The following TRPC6 variants were observed in gnomAD, a reference collection of about 807,000 sequenced individuals.
TRPC6 encodes short transient receptor potential channel 6.
In TRPC6, 55 loss-of-function variants were observed where a neutral mutation model predicts 90.7. That is an observed-to-expected ratio of 0.61 (90% confidence interval 0.49 to 0.76). The LOEUF (loss-of-function observed/expected upper bound fraction) is 0.76. TRPC6 is among the 30% of genes least tolerant of loss of function. The pLI is 0.00. For missense variants in TRPC6, 989 were observed against 1,122.7 expected, an observed-to-expected ratio of 0.88 and a Z score of 1.70; for synonymous variants, 393 against 393.0, an observed-to-expected ratio of 1.00 and a Z score of 0.00.
chr11:101,462,505 C>G (rs1039012166), intron 10 of TRPC6, among the ~76,000 whole-genome samples: 2 of 152,148 alleles, frequency 1.3e-5, no homozygotes, highest in Non-Finnish European at 2.9e-5. Flanking sequence ...GTTTGTAGTT[C>G]TCCTTGAAGA....
chr11:101,475,044 T>C (rs1316048777), intron 6 of TRPC6, among the ~76,000 whole-genome samples: 4 of 152,194 alleles, frequency 2.6e-5, no homozygotes, highest in East Asian at 1.9e-4. Flanking sequence ...CTGGAGGATA[T>C]GTCTGCCTAA....
Position 101,484,595 on chromosome 11 carries a change from A to ATGTGTGTGTGTGTG in TRPC6, c.1294-1444_1294-1431dup, listed in dbSNP as rs61160203. On this transcript the variant is annotated intron_variant, in intron 4 of 12. Transcript: ENST00000344327. ...ATTGTATCTCTCTCTCTCTCATGCT[A>ATGTGTGTGTGTGTG]TGTGTGTGTGTGTGTGTGTGTGTGT... 7.7e-4 allele frequency among the ~76,000 whole-genome samples: 109 copies of ATGTGTGTGTGTGTG among 140,896 alleles called. 1 individual carries two copies. The highest frequency in any genetic ancestry group is 2.5e-3 in the African/African-American group (95 of 38,470). The allele number at this position is 140,896 out of a possible 152,430, so 92.4% of individuals were successfully genotyped here.
intron 8 of TRPC6, among the ~76,000 whole-genome samples, chr11:101,471,591 C>T (rs1007111644): frequency 6.6e-6 from 1 of 152,140 alleles, no homozygotes; most frequent in Non-Finnish European, 1.5e-5. Flanking sequence ...TCTTGCAAGA[C>T]TATTAATCTC....
intron 2 of TRPC6, among the ~76,000 whole-genome samples, chr11:101,501,148 T>C (rs1384025691): frequency 1.3e-5 from 2 of 151,376 alleles, no homozygotes; most frequent in African/African-American, 4.9e-5. Context: ...ACAGGGAGGA[T>C]CTCCTGTGGC....
Position 101,583,600 on chromosome 11 carries a change from A to C in TRPC6, c.-97T>G, listed in dbSNP as rs1862255485. The C allele has an allele frequency of 4.5e-6, 6 of 1,340,186 alleles. No homozygotes were observed. In the South Asian group the frequency reaches 4.9e-5, roughly 11 times the overall value. The allele number at this position is 1,340,186 out of a possible 1,614,324, so 83.0% of individuals were successfully genotyped here. ...TGCGGAGGGTTCGCGTCAGCGGCCG[A>C]ACTGGACCTGGGCAGACCGGTGCCC... On this transcript the variant is annotated 5_prime_UTR_variant, in exon 1 of 13. Transcript: ENST00000344327.
intron 2 of TRPC6, 98 bp from the exon 3 acceptor site, chr11:101,491,836 CTTTTTT>C (rs71056611): frequency 5.8e-4 from 256 of 444,536 alleles, no homozygotes; most frequent in South Asian, 1.3e-3. Flanking sequence ...GAGAAACATT[CTTTTTT>C]TTTTTTTTTT....
intron 5 of TRPC6, among the ~76,000 whole-genome samples, chr11:101,477,455 T>C (rs1859442909): frequency 6.6e-6 from 1 of 152,204 alleles, no homozygotes; most frequent in South Asian, 2.1e-4. Flanking sequence ...TTATGATGTG[T>C]GGTTTATGTT....
chr11:101,545,414 G>A (rs1861280035), intron 1 of TRPC6, among the ~76,000 whole-genome samples: 1 of 152,148 alleles, frequency 6.6e-6, no homozygotes. Context: ...TCTGCGTGGG[G>A]AGTGGGGAAC....
chr11:101,567,061 C>T (rs191653396), intron 1 of TRPC6, among the ~76,000 whole-genome samples: 694 of 66,008 alleles, frequency 0.011, 6 homozygotes, highest in African/African-American at 0.039. Flanking sequence ...AAGTCTGGCT[C>T]GGGGCGGGGT....
intron 1 of TRPC6, among the ~76,000 whole-genome samples, chr11:101,577,785 T>C (rs925685178): frequency 1.8e-4 from 27 of 152,136 alleles, no homozygotes; most frequent in African/African-American, 6.0e-4. Context: ...TTGGTAAAGA[T>C]ATAGCCTCGC....
chr11:101,471,198 A>G lies in TRPC6; in HGVS notation c.2394T>C (p.Asp798=), dbSNP rs766687935. The part of the protein sequence containing the change: ...FQGHKKGFQE[D]AEMNKINEEK... Reference sequence around the variant, plus strand: ...GCTAAGTTACCTTGTTCATCTCTGCATCTTCCTGGAAACCTTTTTTATGGC... The same window carrying G: ...GCTAAGTTACCTTGTTCATCTCTGCGTCTTCCTGGAAACCTTTTTTATGGC... The change falls in exon 9 of 13, where the codon GAT becomes GAC. Residue 798 remains aspartate, a synonymous_variant. Coordinates refer to ENST00000344327, the MANE Select transcript of TRPC6 (RefSeq NM_004621.6). The G allele has an allele frequency of 1.9e-6, 3 of 1,613,774 alleles. No individual in the cohort carries two copies. The African/African-American group carries it at 4.0e-5, about 22-fold the overall frequency.
In TRPC6 at chr11:101,476,430, C is replaced by T; in HGVS notation, c.1615G>A (p.Ala539Thr). Residue 539 changes from alanine (A) to threonine (T), a missense_variant, in exon 6 of 13, where the codon GCA becomes ACA. Physicochemically the swap from Ala to Thr is moderately conservative, Grantham distance 58. Transcript: ENST00000344327. The part of the protein sequence containing the change: ...LDFGMLAIFA[A>T]SFIARFMAFW... ...GCCATGAATCTCGCAATGAATGATG[C>T]TGCGAAAATTGCTAACATACCAAAA... 6.2e-7 allele frequency: 1 copy of T among 1,614,084 alleles called. No individual in the cohort carries two copies. The highest frequency in any genetic ancestry group is 8.5e-7 in the Non-Finnish European group (1 of 1,179,972).
chr11:101,577,905 G>C (rs1470798388), intron 1 of TRPC6, among the ~76,000 whole-genome samples: 1 of 152,162 alleles, frequency 6.6e-6, no homozygotes, highest in African/African-American at 2.4e-5. Context: ...TGAAAGATGA[G>C]TCTTTGTGAC....
chr11:101,485,217 G>C lies in TRPC6; in HGVS notation c.1294-2052C>G, dbSNP rs149365865. ...GCCAATCCAAAGTTAGTTTGTAAAA[G>C]TTTGCTGTAAAAATATGCTTAGATA... On this transcript the variant is annotated intron_variant, in intron 4 of 12. Coordinates refer to ENST00000344327, the MANE Select transcript of TRPC6 (RefSeq NM_004621.6). 3.9e-3 allele frequency among the ~76,000 whole-genome samples: 592 copies of C among 151,202 alleles called. 2 individuals are homozygous for C. The highest frequency in any genetic ancestry group is 0.014 in the African/African-American group (568 of 41,254).
chr11:101,577,084 G>A (rs1862086168), intron 1 of TRPC6, among the ~76,000 whole-genome samples: 1 of 152,062 alleles, frequency 6.6e-6, no homozygotes, highest in Non-Finnish European at 1.5e-5. Context: ...CCTAATAGAA[G>A]GGGAGCCAGA....
At position 101,452,984 on chromosome 11, in the gene TRPC6, C is replaced by T. The variant is rs763389629; in HGVS notation, c.2767G>A (p.Glu923Lys). The T allele has an allele frequency of 4.3e-6, 7 of 1,613,766 alleles. No homozygotes were observed. The highest frequency in any genetic ancestry group is 5.9e-6 in the Non-Finnish European group (7 of 1,179,870). ...CTATTGGTTTCCTCTTGATTTGGTTCCATGGATAATTTCTCTCCAAGTTCT... is the reference window on the plus strand; with the variant it reads ...CTATTGGTTTCCTCTTGATTTGGTTTCATGGATAATTTCTCTCCAAGTTCT... ...IRELGEKLSM[E>K]PNQEETNR Residue 923 changes from glutamate (E) to lysine (K), a missense_variant, in exon 13 of 13, where the codon GAA (glutamate) becomes AAA (lysine). By Grantham distance (56) the Glu-to-Lys change is moderately conservative (BLOSUM62 1). Around this residue, in one of 4 missense-constraint regions of TRPC6, gnomAD observed 191 missense variants for 196.7 expected, o/e 0.97. Transcript: ENST00000344327.
chr11:101,548,871 T>G (rs929777343), intron 1 of TRPC6, among the ~76,000 whole-genome samples: 2 of 151,940 alleles, frequency 1.3e-5, no homozygotes, highest in African/African-American at 2.4e-5. Context: ...TCATATAATT[T>G]TGCTTTGTCA....
At chr11:101,525,032 G>A (rs1860746270) in intron 1 of TRPC6, among the ~76,000 whole-genome samples, 1 of 150,474 alleles carries the variant, frequency 6.6e-6, no homozygotes, top group South Asian at 2.1e-4. Flanking sequence ...AATCTTAAAG[G>A]AATTGTTGAA....
intron 10 of TRPC6, among the ~76,000 whole-genome samples, chr11:101,465,000 C>T (rs1859108345): frequency 6.6e-6 from 1 of 152,162 alleles, no homozygotes; most frequent in Non-Finnish European, 1.5e-5. Context: ...GTGACAAAAT[C>T]TCTCAGCATT....
Sources: allele counts gnomAD v4.1 joint callset (sites outside exome capture counted in the v4.1 genomes callset), GRCh38; gene constraint gnomAD v4.1.1; regional missense constraint gnomAD v4.1.1; transcripts MANE v1.5; gene names NCBI Gene and HGNC (gene_info 2026-07-23, HGNC 2026-07-21).